GDA: variants seen among roughly 807,000 people sequenced by gnomAD.
The protein encoded by GDA is cytoplasmic PSD-95 interactor.
A neutral mutation model predicts 59.6 loss-of-function variants in GDA; 18 were observed. The observed-to-expected ratio is 0.30, with a 90% CI of 0.21 to 0.45. The LOEUF (loss-of-function observed/expected upper bound fraction) is 0.45. GDA is among the 20% of genes least tolerant of loss of function. The probability of loss-of-function intolerance (pLI) is 1.00; values close to 1 mark genes in which losing one functional copy is unlikely to be tolerated. For missense variants in GDA, 427 were observed against 552.3 expected, an observed-to-expected ratio of 0.77 and a Z score of 2.27; for synonymous variants, 201 against 201.1, an observed-to-expected ratio of 1.00 and a Z score of 0.00.
At chr9:72,158,716 A>G (rs1398988882) in intron 1 of GDA, among the ~76,000 whole-genome samples, 1 of 152,118 alleles carries the variant, frequency 6.6e-6, no homozygotes. Flanking sequence ...GATTATACTT[A>G]GCTTTATAGA....
At chr9:72,196,612 A>C (rs1201740675) in intron 2 of GDA, among the ~76,000 whole-genome samples, 1 of 152,060 alleles carries the variant, frequency 6.6e-6, no homozygotes, top group Non-Finnish European at 1.5e-5. Flanking sequence ...TCTGGGATAC[A>C]TGTGCAGAAC....
intron 5 of GDA, among the ~76,000 whole-genome samples, chr9:72,216,603 T>C (rs1836151516): frequency 6.6e-6 from 1 of 151,998 alleles, no homozygotes; most frequent in South Asian, 2.1e-4. Context: ...ATTTAATTGA[T>C]ATGAAATGTA....
At chr9:72,243,543 C>T (rs1023974427) in intron 11 of GDA, among the ~76,000 whole-genome samples, 1 of 152,132 alleles carries the variant, frequency 6.6e-6, no homozygotes, top group Admixed American at 6.5e-5. Flanking sequence ...AGAGAATTTC[C>T]AGTGATTTTC....
rs1402741738 is a variant in GDA, at chr9:72,245,184, T to C, written c.1172T>C (p.Val391Ala). 6.2e-7 allele frequency: 1 copy of C among 1,613,474 alleles called. No homozygotes were observed. Among genetic ancestry groups the C allele is most frequent in the African/African-American group, 1.3e-5 (1 of 74,900 alleles). ...GATGGTGAGATTGGAAACTTTGAAG[T>C]GGGCAAGGAATTTGATGCCATCCTG... ...GLDGEIGNFE[V>A]GKEFDAILIN... Residue 391 changes from valine (V) to alanine (A), a missense_variant, in exon 12 of 14, where the codon GTG becomes GCG. Coordinates refer to ENST00000358399, the MANE Select transcript of GDA (RefSeq NM_004293.5).
At chr9:72,241,408 A>G (rs370166266) in intron 11 of GDA, 110 bp downstream of exon 11, 1 of 765,082 alleles carries the variant, frequency 1.3e-6, no homozygotes, top group Non-Finnish European at 2.0e-6. Context: ...AATATTTGTG[A>G]TGATCACATC....
intron 1 of GDA, among the ~76,000 whole-genome samples, chr9:72,185,783 G>A (rs1463922348): frequency 6.6e-6 from 1 of 152,130 alleles, no homozygotes; most frequent in Non-Finnish European, 1.5e-5. Flanking sequence ...GTATCTTGCA[G>A]CAGTTTTTTT....
intron 9 of GDA, among the ~76,000 whole-genome samples, chr9:72,230,884 G>C (rs1378483061): frequency 6.6e-6 from 1 of 151,910 alleles, no homozygotes; most frequent in African/African-American, 2.4e-5. Context: ...TCTGGCTCTT[G>C]CTGCTTTGTG....
chr9:72,145,498 G>A (rs545818957), upstream of GDA, among the ~76,000 whole-genome samples: 5 of 152,290 alleles, frequency 3.3e-5, no homozygotes, highest in East Asian at 9.6e-4. Context: ...TTAGATAATA[G>A]AGGAGAAAGC....
chr9:72,123,185 C>CTTTTT (rs530381322), intron 1 of GDA, among the ~76,000 whole-genome samples: 2 of 126,166 alleles, frequency 1.6e-5, no homozygotes, highest in Admixed American at 8.5e-5. Context: ...TTTTTCTTCC[C>CTTTTT]TTTTTTTTTT....
At chr9:72,119,230 C>T (rs139372883) in intron 1 of GDA, among the ~76,000 whole-genome samples, 146 of 152,198 alleles carry the variant, frequency 9.6e-4, no homozygotes, top group Middle Eastern at 3.4e-3. Flanking sequence ...TTGGGCCAGG[C>T]GCAGCGGCTC....
rs147032151 is a variant in GDA, at chr9:72,120,765, T to A, written c.-100+5932T>A. Among the ~76,000 whole-genome samples, 796 of 152,344 alleles carry A rather than the reference T, an allele frequency of 5.2e-3. 3 individuals are homozygous for A. The highest frequency in any genetic ancestry group is 6.9e-3 in the Non-Finnish European group (471 of 68,040). ...GTAGATATTTAAATTTTTCTACTCA[T>A]ATCAAGCCTATGCTTCCACCACCTA... On this transcript the variant is annotated intron_variant, in intron 1 of 13. Transcript: ENST00000545168.
downstream of GDA, chr9:72,257,749 C>T (rs1422295644): frequency 6.5e-6 from 1 of 153,340 alleles, no homozygotes; most frequent in Non-Finnish European, 1.4e-5. Context: ...TGGCAAAACT[C>T]TGTCTCTACA....
chr9:72,142,851 C>G (rs1826490765), intron 1 of GDA, among the ~76,000 whole-genome samples: 1 of 151,576 alleles, frequency 6.6e-6, no homozygotes, highest in East Asian at 2.0e-4. Flanking sequence ...TCACTGCAAC[C>G]TCTGCCTCCT....
intron 1 of GDA, among the ~76,000 whole-genome samples, chr9:72,131,824 A>G (rs1479673078): frequency 1.3e-5 from 2 of 152,180 alleles, no homozygotes; most frequent in Admixed American, 1.3e-4. Context: ...GAAAAGAACT[A>G]TACCCCTTTA....
chr9:72,133,033 A>G (rs1008614286), intron 1 of GDA, among the ~76,000 whole-genome samples: 20 of 151,908 alleles, frequency 1.3e-4, no homozygotes, highest in African/African-American at 4.6e-4. Context: ...GCTCACACCT[A>G]TAATTCCAGC....
intron 1 of GDA, among the ~76,000 whole-genome samples, chr9:72,188,861 G>A (rs1832169504): frequency 6.6e-6 from 1 of 152,192 alleles, no homozygotes; most frequent in South Asian, 2.1e-4. Context: ...GAAAGCCATA[G>A]GAGTGGGGCT....
chr9:72,233,700 G>A lies in GDA; in HGVS notation c.988+2519G>A, dbSNP rs556278642. The stretch of plus-strand genomic sequence containing the variant: ...CTCATACCTGTAATCCCACCACCCT[G>A]GAAGGCCACGGCAGGAGGATTGCTT... On this transcript the variant is annotated intron_variant, in intron 10 of 13. Coordinates refer to ENST00000358399, the MANE Select transcript of GDA (RefSeq NM_004293.5). 5.3e-5 allele frequency among the ~76,000 whole-genome samples: 8 copies of A among 152,268 alleles called. No individual in the cohort carries two copies. The South Asian group carries it at 1.4e-3, about 28-fold the overall frequency.
At chr9:72,212,731 G>A (rs562658778) in intron 4 of GDA, among the ~76,000 whole-genome samples, 49 of 152,152 alleles carry the variant, frequency 3.2e-4, no homozygotes, top group African/African-American at 8.9e-4. Context: ...GTCTAGAAGA[G>A]GACCATGATA....
intron 1 of GDA, among the ~76,000 whole-genome samples, chr9:72,120,155 A>G (rs1198240454): frequency 2.0e-5 from 3 of 151,292 alleles, no homozygotes; most frequent in Non-Finnish European, 4.4e-5. Context: ...ATAATTACAA[A>G]CTACAGCAAT....
Sources: gnomAD v4.1 joint callset for allele counts (sites outside exome capture counted in the v4.1 genomes callset) on GRCh38, gnomAD v4.1.1 for gene constraint, MANE v1.5 for transcripts, NCBI Gene and HGNC (gene_info 2026-07-23, HGNC 2026-07-21) for gene names.